The following ASTN2 variants were observed in gnomAD, a reference collection of about 807,000 sequenced individuals.
ASTN2 encodes astrotactin-2.
Under a neutral mutation model 139.8 loss-of-function variants are expected in ASTN2, and 54 were observed. That is an observed-to-expected ratio of 0.39 (90% CI 0.31 to 0.48). The LOEUF is 0.48. ASTN2 is among the 20% of genes least tolerant of loss of function. The probability of loss-of-function intolerance (pLI) is 0.95; values close to 1 mark genes in which losing one functional copy is unlikely to be tolerated. For missense variants in ASTN2, 1,565 were observed against 1,725.1 expected (o/e 0.91, Z 1.64); for synonymous variants, 756 against 719.5 (o/e 1.05, Z -0.81).
At chr9:116,564,892 G>A (rs1285233783) in intron 19 of ASTN2, among the ~76,000 whole-genome samples, 2 of 151,830 alleles carry the variant, frequency 1.3e-5, no homozygotes, top group South Asian at 2.1e-4. Context: ...AATCAACTCA[G>A]GTATTGTAAG....
intron 6 of ASTN2, among the ~76,000 whole-genome samples, chr9:117,026,938 G>A (rs1329952582): frequency 6.6e-6 from 1 of 152,124 alleles, no homozygotes; most frequent in Non-Finnish European, 1.5e-5. Context: ...AATAACTTAA[G>A]GCTACATAGC....
chr9:116,721,273 A>G (rs1240815879), intron 16 of ASTN2, among the ~76,000 whole-genome samples: 2 of 152,240 alleles, frequency 1.3e-5, no homozygotes, highest in Non-Finnish European at 2.9e-5. Flanking sequence ...ATTGAGATCC[A>G]TCTGATTGTA....
At chr9:116,646,848 G>A (rs1312222574) in intron 17 of ASTN2, among the ~76,000 whole-genome samples, 2 of 152,108 alleles carry the variant, frequency 1.3e-5, no homozygotes, top group African/African-American at 4.8e-5. Flanking sequence ...CATTGCCCTG[G>A]GGCTAAACTC....
chr9:117,143,239 T>G (rs1830116121), intron 3 of ASTN2, among the ~76,000 whole-genome samples: 1 of 152,212 alleles, frequency 6.6e-6, no homozygotes, highest in African/African-American at 2.4e-5. Flanking sequence ...GCTATCTCTC[T>G]CCACAGATAT....
chr9:117,198,392 G>C (rs1453713473), intron 3 of ASTN2, among the ~76,000 whole-genome samples: 6 of 151,952 alleles, frequency 3.9e-5, no homozygotes, highest in Non-Finnish European at 1.5e-5. Context: ...GTATTCCATG[G>C]TGTATATGTA....
intron 11 of ASTN2, among the ~76,000 whole-genome samples, chr9:116,823,896 T>C (rs930558668): frequency 6.6e-6 from 1 of 152,204 alleles, no homozygotes; most frequent in Non-Finnish European, 1.5e-5. Flanking sequence ...GCAGATGAGA[T>C]CTAGCCATCG....
At chr9:117,178,785 G>C (rs547957017) in intron 3 of ASTN2, among the ~76,000 whole-genome samples, 2 of 152,152 alleles carry the variant, frequency 1.3e-5, no homozygotes, top group African/African-American at 4.8e-5. Context: ...AGGGGAGAAG[G>C]CTGGGCCCAG....
At chr9:116,677,332 T>C (rs1021023032) in intron 16 of ASTN2, among the ~76,000 whole-genome samples, 4 of 152,198 alleles carry the variant, frequency 2.6e-5, no homozygotes, top group Non-Finnish European at 5.9e-5. Context: ...ACCTCTGTTT[T>C]CTTCATTAAA....
intron 12 of ASTN2, among the ~76,000 whole-genome samples, chr9:116,811,461 T>A (rs1831165638): frequency 6.6e-6 from 1 of 152,220 alleles, no homozygotes; most frequent in South Asian, 2.1e-4. Flanking sequence ...CTTTTTCTAA[T>A]ATTACTGCAT....
chr9:116,532,012 T>A (rs1250795242), intron 19 of ASTN2, among the ~76,000 whole-genome samples: 1 of 152,208 alleles, frequency 6.6e-6, no homozygotes, highest in Non-Finnish European at 1.5e-5. Flanking sequence ...TTTCTCCACA[T>A]CCTCTCCAGC....
At chr9:116,823,249 G>A (rs1279268338) in intron 11 of ASTN2, among the ~76,000 whole-genome samples, 1 of 152,232 alleles carries the variant, frequency 6.6e-6, no homozygotes, top group Non-Finnish European at 1.5e-5. Flanking sequence ...AGAGGAGGAA[G>A]CGGAGGAGAG....
chr9:116,465,201 C>G (rs955602433), intron 20 of ASTN2, among the ~76,000 whole-genome samples: 5 of 152,188 alleles, frequency 3.3e-5, no homozygotes, highest in African/African-American at 9.6e-5. Flanking sequence ...CTACAGCCAG[C>G]AGGTTTGATT....
chr9:116,948,789 T>TTTTTTTTTGTTTTTTTTTG (rs1564355584), intron 10 of ASTN2, among the ~76,000 whole-genome samples: 2 of 104,762 alleles, frequency 1.9e-5, no homozygotes, highest in African/African-American at 4.3e-5. Flanking sequence ...TTTGGTGTTT[T>TTTTTTTTTGTTTTTTTTTG]TTTTTTTTTT....
At chr9:117,057,932 A>T (rs1452148586) in intron 5 of ASTN2, among the ~76,000 whole-genome samples, 1 of 152,206 alleles carries the variant, frequency 6.6e-6, no homozygotes, top group African/African-American at 2.4e-5. Context: ...TCTAGTGTGG[A>T]AGAGAGGCAC....
chr9:117,016,005 A>C (rs1484661968), intron 6 of ASTN2, among the ~76,000 whole-genome samples: 1 of 152,066 alleles, frequency 6.6e-6, no homozygotes, highest in African/African-American at 2.4e-5. Flanking sequence ...AATACCAGAG[A>C]TATATTGTAT....
intron 17 of ASTN2, among the ~76,000 whole-genome samples, chr9:116,632,389 A>C (rs1856851663): frequency 6.6e-6 from 1 of 151,996 alleles, no homozygotes; most frequent in South Asian, 2.1e-4. Flanking sequence ...GAGGCCAGGA[A>C]TTTGAGACCA....
intron 17 of ASTN2, among the ~76,000 whole-genome samples, chr9:116,625,187 T>G (rs1856381395): frequency 6.6e-6 from 1 of 152,064 alleles, no homozygotes; most frequent in African/African-American, 2.4e-5. Flanking sequence ...TCCCAGCACT[T>G]TGGAAGGCCG....
chr9:116,788,891 G>T (rs1278616064), intron 13 of ASTN2, among the ~76,000 whole-genome samples: 1 of 152,092 alleles, frequency 6.6e-6, no homozygotes, highest in Non-Finnish European at 1.5e-5. Flanking sequence ...GTTTTGTTCA[G>T]CCTGAATCCC....
chr9:117,316,029 G>A (rs116371299), intron 1 of ASTN2, among the ~76,000 whole-genome samples: 109 of 152,280 alleles, frequency 7.2e-4, no homozygotes, highest in African/African-American at 2.6e-3. Flanking sequence ...ATACTAGGAG[G>A]TAGATACTCA....
Sources: allele counts gnomAD v4.1 joint callset (sites outside exome capture counted in the v4.1 genomes callset), GRCh38; gene constraint gnomAD v4.1.1; transcripts MANE v1.5; gene names NCBI Gene and HGNC (gene_info 2026-07-23, HGNC 2026-07-21).